The following CD2AP variants were observed in gnomAD, a reference collection of about 807,000 sequenced individuals.
The protein encoded by CD2AP is CD2-associated protein.
In CD2AP, 46 loss-of-function variants were observed where a neutral mutation model predicts 85.1. The observed-to-expected ratio is 0.54, with a 90% CI of 0.43 to 0.69. CD2AP has a LOEUF of 0.69. Among genes scored for constraint, CD2AP ranks in the 30% least tolerant of loss-of-function variants. The pLI is 0.00. For synonymous variants in CD2AP, 255 were observed against 252.9 expected (o/e 1.01, Z -0.08); for missense variants, 769 against 729.5 (o/e 1.05, Z -0.62).
intron 2 of CD2AP, among the ~76,000 whole-genome samples, chr6:47,516,716 G>C (rs991882187): frequency 1.3e-5 from 2 of 151,746 alleles, no homozygotes; most frequent in Admixed American, 1.3e-4. Context: ...TTTTTTCAGT[G>C]TGAGTGACAA....
intron 5 of CD2AP, among the ~76,000 whole-genome samples, chr6:47,561,241 A>G (rs779404116): frequency 3.9e-5 from 6 of 152,174 alleles, no homozygotes; most frequent in Non-Finnish European, 7.4e-5. Context: ...GAACATTTCC[A>G]TCACCCCCAA....
intron 4 of CD2AP, among the ~76,000 whole-genome samples, chr6:47,549,541 A>G (rs1213794004): frequency 6.6e-6 from 1 of 152,018 alleles, no homozygotes; most frequent in African/African-American, 2.4e-5. Context: ...AAAAACTACA[A>G]AAACCTGCTG....
chr6:47,516,103 G>A (rs945317340), intron 2 of CD2AP, among the ~76,000 whole-genome samples: 1 of 152,254 alleles, frequency 6.6e-6, no homozygotes, highest in Admixed American at 6.5e-5. Flanking sequence ...AAGGAAATTA[G>A]GAAGTTCATT....
intron 2 of CD2AP, among the ~76,000 whole-genome samples, chr6:47,527,427 C>T (rs1422939882): frequency 1.3e-5 from 2 of 152,136 alleles, no homozygotes; most frequent in African/African-American, 4.8e-5. Flanking sequence ...ACAAGGAGAT[C>T]AAGAATTTGG....
At chr6:47,558,874 T>C (rs1256342459) in intron 5 of CD2AP, among the ~76,000 whole-genome samples, 2 of 152,238 alleles carry the variant, frequency 1.3e-5, no homozygotes, top group African/African-American at 4.8e-5. Flanking sequence ...TTTGTTGTTG[T>C]TTGGAATAGT....
chr6:47,514,403 A>G (rs895018281), intron 2 of CD2AP, among the ~76,000 whole-genome samples: 1 of 152,210 alleles, frequency 6.6e-6, no homozygotes, highest in Non-Finnish European at 1.5e-5. Context: ...ATATTACTAC[A>G]TTCTTAACTT....
chr6:47,500,261 A>G (rs1040989204), intron 1 of CD2AP, among the ~76,000 whole-genome samples: 2 of 152,190 alleles, frequency 1.3e-5, no homozygotes, highest in African/African-American at 4.8e-5. Flanking sequence ...TGTGGTTGAT[A>G]TAGAGATTGA....
At chr6:47,497,147 G>GT (rs202187543) in intron 1 of CD2AP, among the ~76,000 whole-genome samples, 50,333 of 148,664 alleles carry the variant, frequency 0.34, 9,131 homozygotes, top group Middle Eastern at 0.51. Context: ...ACCATGTCGT[G>GT]TTTTTTTTTT....
Position 47,478,142 on chromosome 6 carries a change from G to T in CD2AP, c.-103G>T. 6.9e-7 allele frequency: 1 copy of T among 1,445,986 alleles called. No individual in the cohort carries two copies. Among genetic ancestry groups the T allele is most frequent in the Non-Finnish European group, 9.5e-7 (1 of 1,053,878 alleles). The allele number at this position is 1,445,986 out of a possible 1,614,324, so 89.6% of individuals were successfully genotyped here. On this transcript the variant is annotated 5_prime_UTR_variant, in exon 1 of 18. Coordinates refer to ENST00000359314, the MANE Select transcript of CD2AP (RefSeq NM_012120.3). The stretch of plus-strand genomic sequence containing the variant: ...CCTGAGCTCAGGAGGGGCTAGCGCG[G>T]AGCGCGGGTCCCGCCTCCAGCCGCG...
At chr6:47,589,551 T>TACAC (rs112763182) in intron 11 of CD2AP, among the ~76,000 whole-genome samples, 1,866 of 130,744 alleles carry the variant, frequency 0.014, 43 homozygotes, top group Non-Finnish European at 0.021. Flanking sequence ...CACATATATA[T>TACAC]ACACACACAC....
intron 3 of CD2AP, among the ~76,000 whole-genome samples, chr6:47,539,542 A>T (rs1171046129): frequency 1.3e-5 from 2 of 152,254 alleles, no homozygotes; most frequent in Non-Finnish European, 2.9e-5. Context: ...TAGTGGAAAG[A>T]TAGAAGGCTT....
intron 12 of CD2AP, among the ~76,000 whole-genome samples, chr6:47,596,834 G>A (rs1768965393): frequency 6.6e-6 from 1 of 152,058 alleles, no homozygotes; most frequent in South Asian, 2.1e-4. Flanking sequence ...AGGGACCTTT[G>A]TACTGTTTTC....
intron 2 of CD2AP, among the ~76,000 whole-genome samples, chr6:47,516,680 T>G (rs1766460554): frequency 6.6e-6 from 1 of 152,166 alleles, no homozygotes; most frequent in African/African-American, 2.4e-5. Flanking sequence ...ATAAAATAAA[T>G]TTTCCCATTT....
intron 5 of CD2AP, among the ~76,000 whole-genome samples, chr6:47,564,988 T>C (rs965374860): frequency 6.6e-6 from 1 of 152,070 alleles, no homozygotes; most frequent in Non-Finnish European, 1.5e-5. Context: ...TTTTCCTCCA[T>C]CCTCTCTTAT....
intron 1 of CD2AP, among the ~76,000 whole-genome samples, chr6:47,487,558 C>T (rs1212025799): frequency 4.6e-5 from 7 of 152,092 alleles, no homozygotes; most frequent in Admixed American, 2.0e-4. Context: ...GGCATGGTGG[C>T]GGGCGCCTGT....
chr6:47,617,735 GA>G (rs67798429), intron 17 of CD2AP, among the ~76,000 whole-genome samples: 48,234 of 151,902 alleles, frequency 0.32, 8,710 homozygotes, highest in Middle Eastern at 0.52. Flanking sequence ...TCTTATCTCA[GA>G]TTAACCTTTC....
At chr6:47,495,524 G>A (rs1391179842) in intron 1 of CD2AP, among the ~76,000 whole-genome samples, 2 of 152,184 alleles carry the variant, frequency 1.3e-5, no homozygotes, top group African/African-American at 2.4e-5. Flanking sequence ...TACAACTGCT[G>A]TAGGAGACTA....
intron 2 of CD2AP, among the ~76,000 whole-genome samples, chr6:47,512,022 G>A (rs1274359215): frequency 6.6e-6 from 1 of 151,948 alleles, no homozygotes; most frequent in African/African-American, 2.4e-5. Context: ...GCTGGGCGTA[G>A]TGGCGGGCGG....
chr6:47,541,423 C>A (rs1767213450), intron 3 of CD2AP, among the ~76,000 whole-genome samples: 1 of 152,176 alleles, frequency 6.6e-6, no homozygotes, highest in Admixed American at 6.5e-5. Flanking sequence ...CACGTCCAGT[C>A]TGTTTGCTTT....
Sources: gnomAD v4.1 joint callset for allele counts (sites outside exome capture counted in the v4.1 genomes callset) on GRCh38, gnomAD v4.1.1 for gene constraint, MANE v1.5 for transcripts, NCBI Gene and HGNC (gene_info 2026-07-23, HGNC 2026-07-21) for gene names.